The following SCARA3 variants were observed in gnomAD, a reference collection of about 807,000 sequenced individuals.
SCARA3 encodes cellular stress response gene protein.
SCARA3 carries 39 observed loss-of-function variants against 47.0 expected under a neutral mutation model. The observed-to-expected ratio is 0.83, with a 90% confidence interval of 0.64 to 1.08. The LOEUF is 1.08. SCARA3 is among the 50% of genes least tolerant of loss of function. The pLI is 0.00. For synonymous variants in SCARA3, 356 were observed against 334.1 expected (o/e 1.07, Z -0.71); for missense variants, 724 against 792.3 (o/e 0.91, Z 1.04).
intron 3 of SCARA3, among the ~76,000 whole-genome samples, chr8:27,653,035 A>G (rs1463510524): frequency 2.6e-5 from 4 of 152,190 alleles, no homozygotes; most frequent in Non-Finnish European, 5.9e-5. Context: ...AGTGGCAAAA[A>G]TCCCAGGCCA....
the SCARA3 span, among the ~76,000 whole-genome samples, chr8:27,695,352 C>A: frequency 6.6e-6 from 1 of 152,180 alleles, no homozygotes; most frequent in Non-Finnish European, 1.5e-5. Context: ...ACAGTCAAGA[C>A]AAGTTCAAGG....
downstream of SCARA3, among the ~76,000 whole-genome samples, chr8:27,673,581 A>G (rs1024857743): frequency 6.6e-6 from 1 of 152,060 alleles, no homozygotes; most frequent in Non-Finnish European, 1.5e-5. Flanking sequence ...TGAGGAAGTG[A>G]GCAAAAGGGC....
chr8:27,732,835 G>C, the SCARA3 span, among the ~76,000 whole-genome samples: 14 of 152,202 alleles, frequency 9.2e-5, no homozygotes, highest in Non-Finnish European at 2.1e-4. Flanking sequence ...AAACTTGTAT[G>C]TTTGTGTGGC....
At chr8:27,636,655 A>T (rs1220565954) in intron 1 of SCARA3, among the ~76,000 whole-genome samples, 1 of 152,006 alleles carries the variant, frequency 6.6e-6, no homozygotes, top group Non-Finnish European at 1.5e-5. Flanking sequence ...CAGCCTCTTC[A>T]TGTGCCGAGC....
downstream of SCARA3, among the ~76,000 whole-genome samples, chr8:27,673,379 G>A (rs1802211714): frequency 6.6e-6 from 1 of 152,264 alleles, no homozygotes; most frequent in Non-Finnish European, 1.5e-5. Flanking sequence ...AACAGGAAAG[G>A]AGGCAGAGAC....
intron 3 of SCARA3, among the ~76,000 whole-genome samples, chr8:27,654,547 T>G (rs1291432404): frequency 6.6e-6 from 1 of 151,982 alleles, no homozygotes; most frequent in Non-Finnish European, 1.5e-5. Context: ...TCACTTGAGC[T>G]CAGGAGTTTG....
chr8:27,665,803 C>T (rs1001121225), intron 5 of SCARA3, among the ~76,000 whole-genome samples: 1 of 152,188 alleles, frequency 6.6e-6, no homozygotes, highest in Non-Finnish European at 1.5e-5. Flanking sequence ...TGAAAGGGTG[C>T]TCTGCATAAG....
chr8:27,699,329 C>A, the SCARA3 span, among the ~76,000 whole-genome samples: 2 of 151,214 alleles, frequency 1.3e-5, no homozygotes, highest in African/African-American at 2.4e-5. Context: ...ATCCCAGCAG[C>A]CTTATTTTTC....
the SCARA3 span, among the ~76,000 whole-genome samples, chr8:27,716,219 G>A: frequency 2.0e-5 from 3 of 152,006 alleles, no homozygotes; most frequent in Non-Finnish European, 1.5e-5. Context: ...AGGCTGAGGC[G>A]GGAGGATCAC....
intron 1 of SCARA3, among the ~76,000 whole-genome samples, chr8:27,637,180 G>A (rs1801271694): frequency 6.6e-6 from 1 of 152,220 alleles, no homozygotes; most frequent in Admixed American, 6.5e-5. Flanking sequence ...TGCCAGCCAA[G>A]CCATTTCCAC....
chr8:27,706,081 G>A, the SCARA3 span, among the ~76,000 whole-genome samples: 18 of 152,292 alleles, frequency 1.2e-4, no homozygotes, highest in South Asian at 2.3e-3. Flanking sequence ...AGCTCAGGGA[G>A]GGTGAGGCTG....
At chr8:27,730,898 A>C in the SCARA3 span, among the ~76,000 whole-genome samples, 2 of 151,756 alleles carry the variant, frequency 1.3e-5, 1 homozygote, top group South Asian at 4.2e-4. Context: ...ATGAGTACCT[A>C]TGCCTGTAAA....
Position 27,671,090 on chromosome 8 carries a change from CCTCAAAGG to C in SCARA3, c.1569_1576del (p.Ser524GlnfsTer56). 2 of 1,608,264 alleles carry C rather than the reference CCTCAAAGG, an allele frequency of 1.2e-6. No homozygotes were observed. Among genetic ancestry groups the C allele is most frequent in the Non-Finnish European group, 1.7e-6 (2 of 1,177,340 alleles). ...CTGTTGGCCCTCGAGGGTTCCCAGG[CCTCAAAGG>C]CTCAAAGGGCAGCTTTGGAACTGGA... On this transcript the variant is annotated frameshift_variant, in exon 6 of 6. Transcript: ENST00000301904. LOFTEE classifies it high-confidence loss of function.
intron 1 of SCARA3, among the ~76,000 whole-genome samples, chr8:27,640,946 C>T (rs1563400253): frequency 6.6e-6 from 1 of 152,238 alleles, no homozygotes; most frequent in Non-Finnish European, 1.5e-5. Context: ...ATCCTCCTGC[C>T]TTAGCCTCCC....
the SCARA3 span, chr8:27,702,386 C>G: frequency 2.0e-5 from 3 of 152,376 alleles, no homozygotes; most frequent in Non-Finnish European, 4.4e-5. Flanking sequence ...ACCCGCTGCC[C>G]AGTCCTGGCA....
Position 27,659,274 on chromosome 8 carries a change from C to A in SCARA3, c.1104C>A (p.Asp368Glu). ...GTIFTNINAT[D>E]NHVHSMLKYL... ...TCTTCACCAACATCAATGCCACCGACAACCACGTGCACAGCATGCTCAAGT... is the reference window on the plus strand; with the variant it reads ...TCTTCACCAACATCAATGCCACCGAAAACCACGTGCACAGCATGCTCAAGT... The change falls in exon 5 of 6, where the codon GAC becomes GAA. Residue 368 changes from aspartate to glutamate, a missense_variant. Physicochemically the swap from Asp to Glu is conservative, Grantham distance 45. Transcript: ENST00000301904. The A allele has an allele frequency of 1.2e-6, 2 of 1,614,218 alleles. No individual in the cohort carries two copies. Among genetic ancestry groups the A allele is most frequent in the Non-Finnish European group, 1.7e-6 (2 of 1,180,046 alleles).
At chr8:27,651,439 T>C in intron 2 of SCARA3, 69 bp from the exon 3 acceptor site, 1 of 1,567,746 alleles carries the variant, frequency 6.4e-7, no homozygotes, top group East Asian at 2.2e-5. Context: ...AGCAGGAACA[T>C]GGAACTGACC....
At chr8:27,731,641 C>A in the SCARA3 span, among the ~76,000 whole-genome samples, 130 of 100,012 alleles carry the variant, frequency 1.3e-3, no homozygotes, top group African/African-American at 1.3e-3. Flanking sequence ...GACTCTGTCT[C>A]AAAAAAAAAA....
chr8:27,730,339 T>C, the SCARA3 span, among the ~76,000 whole-genome samples: 5 of 152,028 alleles, frequency 3.3e-5, no homozygotes, highest in African/African-American at 9.7e-5. Context: ...GGGAATGCGG[T>C]ATTTTCTCTT....
Sources: gnomAD v4.1 joint callset for allele counts (sites outside exome capture counted in the v4.1 genomes callset) on GRCh38, gnomAD v4.1.1 for gene constraint, MANE v1.5 for transcripts, NCBI Gene and HGNC (gene_info 2026-07-23, HGNC 2026-07-21) for gene names.